The following OR2M4 variants were observed in gnomAD, a reference collection of about 807,000 sequenced individuals.
OR2M4 encodes olfactory receptor family 2 subfamily M member 4.
OR2M4 carries 8 observed loss-of-function variants against 13.7 expected under a neutral mutation model. The ratio of observed to expected loss-of-function variants is 0.58; its 90% CI spans 0.34 to 1.05. The LOEUF is 1.05. OR2M4 is among the 50% of genes least tolerant of loss of function. The probability of loss-of-function intolerance (pLI) is 0.02; values close to 1 mark genes in which losing one functional copy is unlikely to be tolerated. For synonymous variants in OR2M4, 152 were observed against 141.3 expected, an observed-to-expected ratio of 1.08 and a Z score of -0.53; for missense variants, 374 against 381.6, an observed-to-expected ratio of 0.98 and a Z score of 0.17.
rs1299502054 is a variant in OR2M4 at position 248,240,527 on chromosome 1, G to T, written c.*663G>T. The T allele has an allele frequency of 6.6e-6, 1 of 152,142 alleles. No individual in the cohort carries two copies. Among genetic ancestry groups the T allele is most frequent in the Non-Finnish European group, 1.5e-5 (1 of 68,026 alleles). The allele number at this position is 152,142 out of a possible 1,614,324, so 9.4% of individuals were successfully genotyped here. ...CACAGTCAACATCTGTATCATGTCT[G>T]CTTTTATTCCTTATAATCCTTATAT... is the stretch of plus-strand genomic sequence containing the variant. On this transcript the variant is annotated 3_prime_UTR_variant, in exon 2 of 2. Transcript: ENST00000641868.
intron 1 of OR2M4, among the ~76,000 whole-genome samples, chr1:248,235,420 G>T (rs550919470): frequency 6.6e-6 from 1 of 152,268 alleles, no homozygotes; most frequent in African/African-American, 2.4e-5. Context: ...TTGTAGTAAA[G>T]TTTGACGTCG....
At position 248,237,638 on chromosome 1, in the gene OR2M4, C is replaced by G. The variant is rs527602929; in HGVS notation, c.-19-1272C>G. On this transcript the variant is annotated intron_variant, in intron 1 of 1. Transcript: ENST00000641868. ...ATTGCACTCCAGCCTGACAACAGAG[C>G]AAGACTCTGTCCCCCCCAAAAACAA... is the stretch of plus-strand genomic sequence containing the variant. Among the ~76,000 whole-genome samples the G allele has an allele frequency of 1.6e-4, 24 of 152,164 alleles. No homozygotes were observed. In the South Asian group the frequency reaches 5.0e-3, roughly 32 times the overall value.
chr1:248,238,261 C>T (rs968753308), intron 1 of OR2M4, among the ~76,000 whole-genome samples: 7 of 152,070 alleles, frequency 4.6e-5, no homozygotes, highest in African/African-American at 1.4e-4. Context: ...GATAAGTGAA[C>T]GATTTAGTCT....
chr1:248,234,994 A>C (rs886564875), intron 1 of OR2M4, among the ~76,000 whole-genome samples: 1 of 152,126 alleles, frequency 6.6e-6, no homozygotes, highest in Non-Finnish European at 1.5e-5. Flanking sequence ...GCTGTGCAGA[A>C]GCCCTTTAGT....
intron 1 of OR2M4, among the ~76,000 whole-genome samples, chr1:248,238,542 C>A (rs1666580615): frequency 6.6e-6 from 1 of 152,048 alleles, no homozygotes; most frequent in Non-Finnish European, 1.5e-5. Context: ...AGAAAAAATT[C>A]TGTAAGGAAT....
chr1:248,235,533 C>T (rs1666549033), intron 1 of OR2M4, among the ~76,000 whole-genome samples: 2 of 152,056 alleles, frequency 1.3e-5, no homozygotes, highest in African/African-American at 4.8e-5. Flanking sequence ...TTATCTAATT[C>T]TGTGAAAAAC....
At position 248,239,370 on chromosome 1, in the gene OR2M4, T is replaced by A; in HGVS notation, c.442T>A (p.Ser148Thr). ...PKLCVFMTVA[S>T]WTLGSLDGII... Reference sequence around the variant, plus strand: ...ACTCTGTGTCTTCATGACTGTTGCTTCCTGGACCTTGGGGTCTCTTGATGG... The same window carrying A: ...ACTCTGTGTCTTCATGACTGTTGCTACCTGGACCTTGGGGTCTCTTGATGG... The change falls in exon 2 of 2, where the codon TCC becomes ACC. Residue 148 changes from serine to threonine, a missense_variant. Physicochemically the swap from Ser to Thr is moderately conservative, Grantham distance 58 (BLOSUM62 1). Transcript: ENST00000641868. The A allele has an allele frequency of 6.2e-7, 1 of 1,614,094 alleles. No homozygotes were observed. Among genetic ancestry groups the A allele is most frequent in the Non-Finnish European group, 8.5e-7 (1 of 1,180,016 alleles).
At chr1:248,235,571 T>C (rs999990921) in intron 1 of OR2M4, among the ~76,000 whole-genome samples, 4 of 152,084 alleles carry the variant, frequency 2.6e-5, no homozygotes, top group South Asian at 4.1e-4. Flanking sequence ...GGGAATAGCA[T>C]TAAAGGGCAT....
At position 248,240,576 on chromosome 1, in the gene OR2M4, A is replaced by T. The variant is rs769705465; in HGVS notation, c.*712A>T. On this transcript the variant is annotated 3_prime_UTR_variant, in exon 2 of 2. Transcript: ENST00000641868. Reference sequence around the variant, plus strand: ...ATTAACCATCAGAATCTGAAGGCAGAGCAAGATGATGGAATAGAAGGCTCC... The same window carrying T: ...ATTAACCATCAGAATCTGAAGGCAGTGCAAGATGATGGAATAGAAGGCTCC... The T allele has an allele frequency of 6.6e-6, 1 of 152,246 alleles. No homozygotes were observed. Among genetic ancestry groups the T allele is most frequent in the Non-Finnish European group, 1.5e-5 (1 of 68,036 alleles). 9.4% of individuals were successfully genotyped at this position (152,246 alleles called of 1,614,324 possible). A position where few individuals can be genotyped will look rare whatever the true frequency, so the allele number is the denominator to read the frequency against.
chr1:248,234,485 TC>T (rs1666537039), intron 1 of OR2M4, among the ~76,000 whole-genome samples: 1 of 151,986 alleles, frequency 6.6e-6, no homozygotes, highest in Non-Finnish European at 1.5e-5. Context: ...GGTGTGTTGT[TC>T]CCCCACCGCT....
chr1:248,243,662 C>T lies in OR2M4; in HGVS notation c.*3798C>T, dbSNP rs1376783778. ...ACCAGGCTTGGCAAATAATTTTTGGCTAATTTCCCAAAAACATTTGCAACA... is the reference window on the plus strand; with the variant it reads ...ACCAGGCTTGGCAAATAATTTTTGGTTAATTTCCCAAAAACATTTGCAACA... On this transcript the variant is annotated 3_prime_UTR_variant, in exon 2 of 2. Coordinates refer to ENST00000641868, the MANE Select transcript of OR2M4 (RefSeq NM_017504.2). 1 of 152,120 alleles carries T rather than the reference C, an allele frequency of 6.6e-6. No individual in the cohort carries two copies. The highest frequency in any genetic ancestry group is 1.5e-5 in the Non-Finnish European group (1 of 68,018). 9.4% of individuals were successfully genotyped at this position (152,120 alleles called of 1,614,324 possible). A position where few individuals can be genotyped will look rare whatever the true frequency, so the allele number is the denominator to read the frequency against.
Position 248,239,472 on chromosome 1 carries a change from GC to G in OR2M4, c.545del (p.Ala182ValfsTer24). On this transcript the variant is annotated frameshift_variant, in exon 2 of 2. Coordinates refer to ENST00000641868, the MANE Select transcript of OR2M4 (RefSeq NM_017504.2). LOFTEE classifies it high-confidence loss of function. ...AATTCATCACTTTTTCTGTGATGTTGCTGCCCTTTTACCTCTATCCTGCACA... is the reference window on the plus strand; with the variant it reads ...AATTCATCACTTTTTCTGTGATGTTGTGCCCTTTTACCTCTATCCTGCACA... ...LEIHHFFCDV[A>X]ALLPLSCTET... 1 of 1,614,030 alleles carries G rather than the reference GC, an allele frequency of 6.2e-7. No homozygotes were observed. Among genetic ancestry groups the G allele is most frequent in the East Asian group, 2.2e-5 (1 of 44,874 alleles).
Position 248,239,405 on chromosome 1 carries a change from G to T in OR2M4, c.477G>T (p.Val159=), listed in dbSNP as rs1448799665. The T allele has an allele frequency of 6.2e-7, 1 of 1,614,012 alleles. No homozygotes were observed. The part of the protein sequence containing the change: ...WTLGSLDGII[V]LAAVLSFSYC... Reference sequence around the variant, plus strand: ...TGGGGTCTCTTGATGGGATCATAGTGCTTGCAGCTGTCCTGTCATTTTCTT... The same window carrying T: ...TGGGGTCTCTTGATGGGATCATAGTTCTTGCAGCTGTCCTGTCATTTTCTT... The change falls in exon 2 of 2, where the codon GTG becomes GTT. Residue 159 remains valine, a synonymous_variant. Coordinates refer to ENST00000641868, the MANE Select transcript of OR2M4 (RefSeq NM_017504.2).
intron 1 of OR2M4, among the ~76,000 whole-genome samples, chr1:248,236,401 C>T (rs1380325260): frequency 6.6e-6 from 1 of 152,100 alleles, no homozygotes; most frequent in Non-Finnish European, 1.5e-5. Flanking sequence ...CTCTGGGATG[C>T]AGCTAAAGCA....
intron 1 of OR2M4, 35 bp downstream of exon 1, chr1:248,231,615 A>G (rs560553481): frequency 6.6e-6 from 1 of 152,308 alleles, no homozygotes; most frequent in South Asian, 2.1e-4. Flanking sequence ...TAAAAGAAAA[A>G]AAATTCCGTT....
intron 1 of OR2M4, among the ~76,000 whole-genome samples, chr1:248,234,279 A>AT (rs566757308): frequency 0.054 from 7,904 of 146,730 alleles, 524 homozygotes; most frequent in African/African-American, 0.16. Context: ...TGAGTCAAAT[A>AT]TTTTTTTTTT....
chr1:248,240,118 T>A lies in OR2M4; in HGVS notation c.*254T>A, dbSNP rs1225118535. 3.2e-6 allele frequency: 1 copy of A among 309,040 alleles called. No individual in the cohort carries two copies. Among genetic ancestry groups the A allele is most frequent in the Non-Finnish European group, 5.9e-6 (1 of 169,800 alleles). The allele number at this position is 309,040 out of a possible 1,614,324, so 19.1% of individuals were successfully genotyped here. ...GGTGTCACACATGGGTGGTACTTGATTTTAGGATGCTTACTTTTGAAGCCA... is the reference window on the plus strand; with the variant it reads ...GGTGTCACACATGGGTGGTACTTGAATTTAGGATGCTTACTTTTGAAGCCA... On this transcript the variant is annotated 3_prime_UTR_variant, in exon 2 of 2. Coordinates refer to ENST00000641868, the MANE Select transcript of OR2M4 (RefSeq NM_017504.2).
rs1282925702 is a variant in OR2M4 at position 248,231,580 on chromosome 1, TGTGA to T, written c.-20+3_-20+6del. 1 of 152,180 alleles carries T rather than the reference TGTGA, an allele frequency of 6.6e-6. No homozygotes were observed. The highest frequency in any genetic ancestry group is 2.4e-5 in the African/African-American group (1 of 41,420). The allele number at this position is 152,180 out of a possible 1,614,324, so 9.4% of individuals were successfully genotyped here. A position where few individuals can be genotyped will look rare whatever the true frequency, so the allele number is the denominator to read the frequency against. The stretch of plus-strand genomic sequence containing the variant: ...GCGAATTTTCCCCTTGATCACCACC[TGTGA>T]GTAAGACATATAACACTCTTTAAAA... On this transcript the variant is annotated splice_donor_variant and splice_donor_region_variant and intron_variant, in intron 1 of 1. Coordinates refer to ENST00000641868, the MANE Select transcript of OR2M4 (RefSeq NM_017504.2). LOFTEE classifies it low-confidence loss of function (5UTR_SPLICE).
rs1426100952 is a variant in OR2M4, at chr1:248,242,095, T to C, written c.*2231T>C. 1.3e-5 allele frequency: 2 copies of C among 152,186 alleles called. No individual in the cohort carries two copies. The highest frequency in any genetic ancestry group is 6.5e-5 in the Admixed American group (1 of 15,286). 9.4% of individuals were successfully genotyped at this position (152,186 alleles called of 1,614,324 possible). A position where few individuals can be genotyped will look rare whatever the true frequency, so the allele number is the denominator to read the frequency against. On this transcript the variant is annotated 3_prime_UTR_variant, in exon 2 of 2. Transcript: ENST00000641868. The stretch of plus-strand genomic sequence containing the variant: ...AGTTTTTGGAAGCAGAATATATGTG[T>C]CGTGGGTACAGTTGCTCAATTTATT...
Sources: allele counts gnomAD v4.1 joint callset (sites outside exome capture counted in the v4.1 genomes callset), GRCh38; gene constraint gnomAD v4.1.1; transcripts MANE v1.5; gene names NCBI Gene and HGNC (gene_info 2026-07-23, HGNC 2026-07-21).